The following SERINC5 variants were observed in gnomAD, a reference collection of about 807,000 sequenced individuals.
The protein encoded by SERINC5 is chromosome 5 open reading frame 12.
Under a neutral mutation model 63.1 loss-of-function variants are expected in SERINC5, and 41 were observed. The observed-to-expected ratio is 0.65, with a 90% CI of 0.51 to 0.84. SERINC5 has a LOEUF of 0.84. Among genes scored for constraint, SERINC5 ranks in the 40% least tolerant of loss-of-function variants. SERINC5 has a pLI of 0.00. For missense variants in SERINC5, 523 were observed against 573.0 expected, an observed-to-expected ratio of 0.91 and a Z score of 0.89; for synonymous variants, 222 against 215.2, an observed-to-expected ratio of 1.03 and a Z score of -0.28.
At chr5:80,234,116 T>C (rs965995533) in intron 1 of SERINC5, among the ~76,000 whole-genome samples, 1 of 152,020 alleles carries the variant, frequency 6.6e-6, no homozygotes, top group Non-Finnish European at 1.5e-5. Flanking sequence ...GACCCCAACT[T>C]TTACTTTTAA....
Position 80,141,824 on chromosome 5 carries a change from A to T in SERINC5, c.*1839T>A. 1 of 985,478 alleles carries T rather than the reference A, an allele frequency of 1.0e-6. No individual in the cohort carries two copies. Among genetic ancestry groups the T allele is most frequent in the Non-Finnish European group, 1.2e-6 (1 of 829,930 alleles). 61.0% of individuals were successfully genotyped at this position (985,478 alleles called of 1,614,324 possible). ...AAAAGGAAATTTAATGGAATTTACA[A>T]AACAAGGCTCTCTAAACCACACACA... On this transcript the variant is annotated 3_prime_UTR_variant, in exon 12 of 12. Transcript: ENST00000507668.
In SERINC5 at chr5:80,140,801, CAG is replaced by C; in HGVS notation, c.*2860_*2861del. On this transcript the variant is annotated 3_prime_UTR_variant, in exon 12 of 12. Coordinates refer to ENST00000507668, the MANE Select transcript of SERINC5 (RefSeq NM_001174072.3). ...ACTTTTCTACATCAGACAAATCACA[CAG>C]AGGAAATATTCACATGCAGCTTTAA... 3 of 985,308 alleles carry C rather than the reference CAG, an allele frequency of 3.0e-6. No homozygotes were observed. Among genetic ancestry groups the C allele is most frequent in the South Asian group, 4.7e-5 (1 of 21,286 alleles). 61.0% of individuals were successfully genotyped at this position (985,308 alleles called of 1,614,324 possible). A position where few individuals can be genotyped will look rare whatever the true frequency, so the allele number is the denominator to read the frequency against.
Position 80,122,212 on chromosome 5 carries a change from T to TATATATATATATATATATATATAA in SERINC5, c.1239-8588_1239-8587insTTATATATATATATATATATATAT, listed in dbSNP as rs777568982. Reference sequence around the variant, plus strand: ...AGAACTAATAGTATATATATATATATAATATGAGTTTATTAAATATTAGCT... The same window carrying TATATATATATATATATATATATAA: ...AGAACTAATAGTATATATATATATATATATATATATATATATATATATAAAATATGAGTTTATTAAATATTAGCT... On this transcript the variant is annotated intron_variant, in intron 11 of 12. Transcript: ENST00000509193. 1.7e-3 allele frequency among the ~76,000 whole-genome samples: 248 copies of TATATATATATATATATATATATAA among 142,512 alleles called. 3 individuals are homozygous for TATATATATATATATATATATATAA. The highest frequency in any genetic ancestry group is 8.4e-3 in the South Asian group (38 of 4,528). The allele number at this position is 142,512 out of a possible 152,430, so 93.5% of individuals were successfully genotyped here.
intron 2 of SERINC5, among the ~76,000 whole-genome samples, chr5:80,193,682 A>G (rs915277900): frequency 6.6e-6 from 1 of 151,972 alleles, no homozygotes; most frequent in African/African-American, 2.4e-5. Flanking sequence ...TCAAAAAAAG[A>G]CTCTCAGCAG....
downstream of SERINC5, among the ~76,000 whole-genome samples, chr5:80,137,643 A>AAAAAAAAAAAG (rs1745267078): frequency 1.3e-5 from 1 of 78,776 alleles, no homozygotes; most frequent in Non-Finnish European, 3.0e-5. Context: ...ACTCTAACTC[A>AAAAAAAAAAAG]AAAAAAAAAA....
At chr5:80,175,530 C>T (rs901738449) in intron 4 of SERINC5, among the ~76,000 whole-genome samples, 1 of 152,162 alleles carries the variant, frequency 6.6e-6, no homozygotes, top group Non-Finnish European at 1.5e-5. Context: ...GACGCTATAA[C>T]CTTGAATAAG....
chr5:80,159,244 T>A (rs1232889846), intron 7 of SERINC5, among the ~76,000 whole-genome samples: 1 of 152,202 alleles, frequency 6.6e-6, no homozygotes, highest in Non-Finnish European at 1.5e-5. Flanking sequence ...GGAAAGAGTC[T>A]TGCTCGAAGT....
At chr5:80,153,068 T>C (rs1321637361) in intron 8 of SERINC5, among the ~76,000 whole-genome samples, 2 of 152,174 alleles carry the variant, frequency 1.3e-5, no homozygotes, top group South Asian at 2.1e-4. Flanking sequence ...AGGCCTAACA[T>C]GGGGAAGCTT....
At chr5:80,163,776 T>C (rs912804709) in intron 7 of SERINC5, among the ~76,000 whole-genome samples, 3 of 152,222 alleles carry the variant, frequency 2.0e-5, no homozygotes, top group African/African-American at 4.8e-5. Context: ...TTTGCTAGTA[T>C]TTTGTTGAAG....
rs1165405355 is a variant in SERINC5, at chr5:80,140,907, A to G, written c.*2756T>C. 2 of 985,234 alleles carry G rather than the reference A, an allele frequency of 2.0e-6. No individual in the cohort carries two copies. Among genetic ancestry groups the G allele is most frequent in the East Asian group, 2.3e-4 (2 of 8,826 alleles). The allele number at this position is 985,234 out of a possible 1,614,324, so 61.0% of individuals were successfully genotyped here. ...AATATACTCTTTAGGTCATGTACAAAAAGGTGTAGGAAGCAAATGTCTATT... is the reference window on the plus strand; with the variant it reads ...AATATACTCTTTAGGTCATGTACAAGAAGGTGTAGGAAGCAAATGTCTATT... On this transcript the variant is annotated 3_prime_UTR_variant, in exon 12 of 12. Transcript: ENST00000507668.
chr5:80,163,260 A>G (rs899946392), intron 7 of SERINC5, among the ~76,000 whole-genome samples: 5 of 152,168 alleles, frequency 3.3e-5, no homozygotes, highest in Non-Finnish European at 7.3e-5. Context: ...TTTTCTAGAT[A>G]TAGAATCACA....
At chr5:80,215,856 G>T (rs1750635679) in intron 1 of SERINC5, among the ~76,000 whole-genome samples, 3 of 152,176 alleles carry the variant, frequency 2.0e-5, no homozygotes, top group Admixed American at 1.3e-4. Flanking sequence ...CAGCTTTGGG[G>T]TTACAGTGGA....
At chr5:80,183,220 A>G (rs1043811201) in intron 2 of SERINC5, among the ~76,000 whole-genome samples, 1 of 152,180 alleles carries the variant, frequency 6.6e-6, no homozygotes, top group Non-Finnish European at 1.5e-5. Context: ...CACAGATGAC[A>G]AGAATGAAGC....
chr5:80,178,025 C>G lies in SERINC5; in HGVS notation c.235G>C (p.Gly79Arg). ...FEDMCKGIKA[G>R]DTCEKLVGYS... Reference sequence around the variant, plus strand: ...CCCACCAGCTTCTCACAGGTGTCACCAGCTTTAATGCCTTTACACATATCT... The same window carrying G: ...CCCACCAGCTTCTCACAGGTGTCACGAGCTTTAATGCCTTTACACATATCT... Residue 79 changes from glycine (G) to arginine (R), a missense_variant, in exon 3 of 12, where the codon GGT becomes CGT. Physicochemically the swap from Gly to Arg is moderately radical, Grantham distance 125. Transcript: ENST00000507668. The G allele has an allele frequency of 6.2e-7, 1 of 1,611,984 alleles. No homozygotes were observed. The highest frequency in any genetic ancestry group is 1.7e-4 in the Middle Eastern group (1 of 6,058).
At chr5:80,155,539 C>T (rs1354228366) in intron 8 of SERINC5, among the ~76,000 whole-genome samples, 1 of 136,978 alleles carries the variant, frequency 7.3e-6, no homozygotes, top group Non-Finnish European at 1.5e-5. Flanking sequence ...TGCCATTGCA[C>T]TCCAGCCTGG....
Position 80,143,245 on chromosome 5 carries a change from G to A in SERINC5, c.*418C>T, listed in dbSNP as rs2112292909. 2 of 994,334 alleles carry A rather than the reference G, an allele frequency of 2.0e-6. No individual in the cohort carries two copies. Among genetic ancestry groups the A allele is most frequent in the East Asian group, 1.1e-4 (1 of 9,184 alleles). The allele number at this position is 994,334 out of a possible 1,614,324, so 61.6% of individuals were successfully genotyped here. ...TAAGAGGCGGAAGTGAGTGAGAGGG[G>A]TCTGGATTCTGTTAGGCGCTGGGGA... is the stretch of plus-strand genomic sequence containing the variant. On this transcript the variant is annotated 3_prime_UTR_variant, in exon 12 of 12. Transcript: ENST00000507668.
At chr5:80,137,155 A>AC (rs1295442442), downstream of SERINC5, among the ~76,000 whole-genome samples, 51 of 109,382 alleles carry the variant, frequency 4.7e-4, no homozygotes, top group South Asian at 1.3e-3. Flanking sequence ...AAAAAAAAAA[A>AC]AAAAAAAACA....
chr5:80,194,009 G>T (rs1240436443), intron 2 of SERINC5, among the ~76,000 whole-genome samples: 1 of 152,212 alleles, frequency 6.6e-6, no homozygotes, highest in East Asian at 1.9e-4. Context: ...TTTTCCCTCA[G>T]TTCTACAATG....
chr5:80,173,371 G>C (rs1160763269), intron 5 of SERINC5, among the ~76,000 whole-genome samples: 1 of 152,036 alleles, frequency 6.6e-6, no homozygotes, highest in Non-Finnish European at 1.5e-5. Context: ...CGAGGTGGGC[G>C]GATCACCAGG....
Sources: allele counts gnomAD v4.1 joint callset (sites outside exome capture counted in the v4.1 genomes callset), GRCh38; gene constraint gnomAD v4.1.1; transcripts MANE v1.5; gene names NCBI Gene and HGNC (gene_info 2026-07-23, HGNC 2026-07-21).